Variants in TULP4 observed in about 807,000 individuals in gnomAD.
The protein encoded by TULP4 is TUB like protein 4.
Under a neutral mutation model 129.0 loss-of-function variants are expected in TULP4, and 16 were observed. The ratio of observed to expected loss-of-function variants is 0.12; its 90% CI spans 0.08 to 0.19. The LOEUF (loss-of-function observed/expected upper bound fraction) is 0.19. TULP4 is among the 10% of genes least tolerant of loss of function. The pLI, the probability that TULP4 is intolerant of heterozygous loss-of-function variation, is 1.00. For missense variants in TULP4, 1,842 were observed against 2,059.1 expected, an observed-to-expected ratio of 0.89 and a Z score of 2.04; for synonymous variants, 998 against 854.0, an observed-to-expected ratio of 1.17 and a Z score of -2.94.
chr6:158,412,644 G>A (rs1343872193), intron 1 of TULP4, among the ~76,000 whole-genome samples: 1 of 151,970 alleles, frequency 6.6e-6, no homozygotes, highest in Non-Finnish European at 1.5e-5. Context: ...TGCTTCTGGA[G>A]GAAAATGAAC....
intron 4 of TULP4, among the ~76,000 whole-genome samples, chr6:158,451,064 C>CA (rs1562571476): frequency 6.8e-6 from 1 of 147,540 alleles, no homozygotes; most frequent in African/African-American, 2.5e-5. Context: ...GTCTCCGTTT[C>CA]AAAAAAAGAA....
chr6:158,347,547 A>G (rs1037952330), intron 1 of TULP4, among the ~76,000 whole-genome samples: 2 of 152,156 alleles, frequency 1.3e-5, no homozygotes, highest in African/African-American at 4.8e-5. Context: ...TTAGCCCTCT[A>G]CTGGCCCCTT....
At chr6:158,497,812 T>C (rs1317847824) in intron 11 of TULP4, among the ~76,000 whole-genome samples, 1 of 152,228 alleles carries the variant, frequency 6.6e-6, no homozygotes, top group Admixed American at 6.5e-5. Context: ...AGGCCTGCTG[T>C]GCCGCAGTCA....
intron 1 of TULP4, among the ~76,000 whole-genome samples, chr6:158,391,598 T>C (rs1385333181): frequency 6.6e-6 from 1 of 152,216 alleles, no homozygotes; most frequent in Non-Finnish European, 1.5e-5. Context: ...TGGCAGGGGC[T>C]TTCAAATGAC....
chr6:158,240,416 C>T (rs1369000706), intron 1 of TULP4, among the ~76,000 whole-genome samples: 18 of 63,926 alleles, frequency 2.8e-4, no homozygotes, highest in South Asian at 1.2e-3. Flanking sequence ...CCAGTAGGGG[C>T]GGCCGGGCAG....
chr6:158,268,904 CCCTTTAG>C (rs1451243789), intron 1 of TULP4, among the ~76,000 whole-genome samples: 2 of 152,124 alleles, frequency 1.3e-5, no homozygotes, highest in Non-Finnish European at 2.9e-5. Flanking sequence ...GCTTAATCCT[CCCTTTAG>C]CCTTTAGCAC....
intron 3 of TULP4, among the ~76,000 whole-genome samples, chr6:158,435,841 C>T (rs926750539): frequency 5.3e-5 from 8 of 152,170 alleles, no homozygotes; most frequent in African/African-American, 1.9e-4. Flanking sequence ...GCACTCTTAT[C>T]TTGCTTATCA....
At chr6:158,391,930 ATGTG>A (rs1282343467) in intron 1 of TULP4, among the ~76,000 whole-genome samples, 2 of 152,222 alleles carry the variant, frequency 1.3e-5, no homozygotes, top group African/African-American at 4.8e-5. Context: ...AGTGCCTGGA[ATGTG>A]GCAGGCACTT....
chr6:158,408,208 G>A (rs73023823), intron 1 of TULP4, among the ~76,000 whole-genome samples: 3,537 of 152,280 alleles, frequency 0.023, 64 homozygotes, highest in Non-Finnish European at 0.034. Flanking sequence ...GAGCAAGCGG[G>A]AGTGCTTGGA....
At chr6:158,321,928 G>C (rs543445698) in intron 1 of TULP4, among the ~76,000 whole-genome samples, 5 of 152,230 alleles carry the variant, frequency 3.3e-5, no homozygotes, top group Middle Eastern at 3.4e-3. Flanking sequence ...TTTCTAGATT[G>C]TAAGAATGGT....
At chr6:158,354,765 A>G (rs962385214) in intron 1 of TULP4, among the ~76,000 whole-genome samples, 2 of 151,614 alleles carry the variant, frequency 1.3e-5, no homozygotes, top group African/African-American at 2.4e-5. Context: ...GTGCACACCT[A>G]TAGTCCTGGC....
intron 1 of TULP4, among the ~76,000 whole-genome samples, chr6:158,320,188 T>G (rs1779592854): frequency 6.6e-6 from 1 of 152,184 alleles, no homozygotes; most frequent in Non-Finnish European, 1.5e-5. Context: ...GTGATGCTTT[T>G]TTAGAATTAT....
At chr6:158,465,955 C>G (rs976468982) in intron 6 of TULP4, among the ~76,000 whole-genome samples, 1 of 152,138 alleles carries the variant, frequency 6.6e-6, no homozygotes, top group Non-Finnish European at 1.5e-5. Flanking sequence ...TTAAAACGTT[C>G]GGAAGCTATG....
chr6:158,303,324 A>G (rs984189507), intron 1 of TULP4, among the ~76,000 whole-genome samples: 1 of 152,088 alleles, frequency 6.6e-6, no homozygotes, highest in East Asian at 1.9e-4. Context: ...GGAATTTTAC[A>G]GCTGGGCCTC....
chr6:158,451,861 C>T lies in TULP4; in HGVS notation c.725-273C>T, dbSNP rs1358907394. ...AACACATTAACATCAAGTTAGTAAA[C>T]TTTCACACATATTCTCACCACTCAC... On this transcript the variant is annotated intron_variant, in intron 4 of 13. Coordinates refer to ENST00000367097, the MANE Select transcript of TULP4 (RefSeq NM_020245.5). Among the ~76,000 whole-genome samples the T allele has an allele frequency of 2.0e-5, 3 of 152,338 alleles. No homozygotes were observed. The South Asian group carries it at 6.2e-4, about 32-fold the overall frequency.
chr6:158,307,414 G>A (rs1779233860), intron 1 of TULP4, among the ~76,000 whole-genome samples: 1 of 152,178 alleles, frequency 6.6e-6, no homozygotes, highest in Admixed American at 6.5e-5. Flanking sequence ...TGTAGAATTT[G>A]AATGAAATAT....
At chr6:158,252,699 G>C (rs1187655916) in intron 1 of TULP4, among the ~76,000 whole-genome samples, 1 of 152,148 alleles carries the variant, frequency 6.6e-6, no homozygotes, top group Non-Finnish European at 1.5e-5. Flanking sequence ...TAGAGCATTT[G>C]TCAAAACTAA....
At chr6:158,418,809 C>T (rs1778273036) in intron 2 of TULP4, among the ~76,000 whole-genome samples, 1 of 152,178 alleles carries the variant, frequency 6.6e-6, no homozygotes, top group African/African-American at 2.4e-5. Context: ...TGTGAACATC[C>T]TCTATTACCA....
At chr6:158,329,147 A>G (rs1779818291) in intron 1 of TULP4, among the ~76,000 whole-genome samples, 1 of 152,118 alleles carries the variant, frequency 6.6e-6, no homozygotes, top group Non-Finnish European at 1.5e-5. Flanking sequence ...TTTTTATTGT[A>G]CCTTCTGGCA....
Sources: allele counts gnomAD v4.1 joint callset (sites outside exome capture counted in the v4.1 genomes callset), GRCh38; gene constraint gnomAD v4.1.1; transcripts MANE v1.5; gene names NCBI Gene and HGNC (gene_info 2026-07-23, HGNC 2026-07-21).